DCAF8L2: variants seen among roughly 807,000 people sequenced by gnomAD.
DCAF8L2 encodes the protein DDB1 and CUL4 associated factor 8 like 2, also known as DDB1- and CUL4-associated factor 8-like protein 2.
For synonymous variants in DCAF8L2, 200 were observed against 190.9 expected, an observed-to-expected ratio of 1.05 and a Z score of -0.39; for missense variants, 430 against 490.7, an observed-to-expected ratio of 0.88 and a Z score of 1.17.
At chrX:27,564,471 T>G in the DCAF8L2 span, among the ~76,000 whole-genome samples, 5 of 110,732 alleles carry the variant, frequency 4.5e-5, no homozygotes, top group Non-Finnish European at 9.4e-5. Context: ...AAAGAATGAG[T>G]GCTTATGTAA....
chrX:27,512,438 CT>C, the DCAF8L2 span, among the ~76,000 whole-genome samples: 1 of 110,304 alleles, frequency 9.1e-6, no homozygotes, highest in Non-Finnish European at 1.9e-5. Context: ...AATCCCAGCA[CT>C]TTGGGGGGCC....
chrX:27,634,604 G>A (rs1365704828), intron 2 of DCAF8L2, among the ~76,000 whole-genome samples: 1 of 110,429 alleles, frequency 9.1e-6, no homozygotes, highest in Non-Finnish European at 1.9e-5. Context: ...GATAGACACT[G>A]AGCACCCTCA....
chrX:27,682,677 C>T (rs1930368645), intron 3 of DCAF8L2, among the ~76,000 whole-genome samples: 1 of 110,344 alleles, frequency 9.1e-6, no homozygotes, highest in Non-Finnish European at 1.9e-5. Flanking sequence ...CAAGTCAATG[C>T]AAGTTCACGA....
At chrX:27,536,588 C>T in the DCAF8L2 span, among the ~76,000 whole-genome samples, 3 of 110,964 alleles carry the variant, frequency 2.7e-5, no homozygotes, top group East Asian at 2.8e-4. Context: ...GAAGACCTGG[C>T]GTGTGGACAC....
intron 4 of DCAF8L2, among the ~76,000 whole-genome samples, chrX:27,743,775 C>G (rs891071646): frequency 9.6e-6 from 1 of 104,127 alleles, no homozygotes; most frequent in Non-Finnish European, 1.9e-5. Flanking sequence ...CTGTGTCGCC[C>G]AGGCTGGAGT....
chrX:27,539,596 C>T, the DCAF8L2 span, among the ~76,000 whole-genome samples: 1 of 111,463 alleles, frequency 9.0e-6, no homozygotes, highest in African/African-American at 3.3e-5. Flanking sequence ...GGCAATCTTT[C>T]CAATATTTAT....
chrX:27,519,579 A>G, the DCAF8L2 span: 1 of 679,460 alleles, frequency 1.5e-6, no homozygotes, highest in Non-Finnish European at 2.4e-6. Context: ...CTCCACCACC[A>G]GTCATTCCTC....
At chrX:27,514,683 A>C in the DCAF8L2 span, among the ~76,000 whole-genome samples, 56 of 30,188 alleles carry the variant, frequency 1.9e-3, no homozygotes, top group Non-Finnish European at 3.3e-3. Flanking sequence ...AAAAAAAAAA[A>C]AAAAAAAAAA....
In DCAF8L2 at chrX:27,749,064, C is replaced by T. The variant is rs766367872; in HGVS notation, c.*273C>T. On this transcript the variant is annotated 3_prime_UTR_variant, in exon 5 of 5. Transcript: ENST00000451261. ...TGAGTGCATACACAACTTATTTATG[C>T]CTCTTTTCCTTTGTTCCCTTATAGT... Among the ~76,000 whole-genome samples, 1 of 110,856 alleles carries T rather than the reference C, an allele frequency of 9.0e-6. No individual in the cohort carries two copies. Among genetic ancestry groups the T allele is most frequent in the Non-Finnish European group, 1.9e-5 (1 of 52,998 alleles).
chrX:27,651,579 G>A (rs1171576412), intron 2 of DCAF8L2, among the ~76,000 whole-genome samples: 1 of 97,756 alleles, frequency 1.0e-5, no homozygotes, highest in Non-Finnish European at 2.0e-5. Flanking sequence ...GCACGATCTC[G>A]GCTCACTGCA....
intron 4 of DCAF8L2, among the ~76,000 whole-genome samples, chrX:27,718,460 A>G (rs1179431087): frequency 8.9e-6 from 1 of 111,772 alleles, no homozygotes; most frequent in Non-Finnish European, 1.9e-5. Context: ...ATTATGGTTA[A>G]TTTTATGTGT....
At chrX:27,580,770 A>G in the DCAF8L2 span, among the ~76,000 whole-genome samples, 11 of 111,918 alleles carry the variant, frequency 9.8e-5, no homozygotes, top group Non-Finnish European at 1.9e-4. Flanking sequence ...AAGAAATGTT[A>G]GAGTTTTACT....
chrX:27,588,724 T>C (rs1480054238), upstream of DCAF8L2, among the ~76,000 whole-genome samples: 1 of 110,978 alleles, frequency 9.0e-6, no homozygotes. Context: ...AGTACTATTT[T>C]AAACTACCTG....
At chrX:27,483,376 GT>G in the DCAF8L2 span, among the ~76,000 whole-genome samples, 6 of 111,845 alleles carry the variant, frequency 5.4e-5, no homozygotes, top group African/African-American at 1.9e-4. Context: ...AATAAAAGTA[GT>G]TTACATTTTT....
intron 3 of DCAF8L2, among the ~76,000 whole-genome samples, chrX:27,701,805 A>G (rs924828332): frequency 1.8e-5 from 2 of 110,942 alleles, no homozygotes; most frequent in African/African-American, 6.5e-5. Flanking sequence ...AGAAACTAGA[A>G]AAATAAGAGC....
chrX:27,564,119 G>A, the DCAF8L2 span, among the ~76,000 whole-genome samples: 13 of 111,773 alleles, frequency 1.2e-4, no homozygotes, highest in South Asian at 3.8e-4. Flanking sequence ...GCATGGCTGC[G>A]GAGGCTTTGG....
At chrX:27,672,083 T>A (rs896109262) in intron 2 of DCAF8L2, among the ~76,000 whole-genome samples, 3 of 112,196 alleles carry the variant, frequency 2.7e-5, no homozygotes, top group African/African-American at 9.7e-5. Flanking sequence ...ACTGACAAAC[T>A]AGAGAGAAGC....
At chrX:27,675,315 G>T (rs1930102600) in intron 2 of DCAF8L2, among the ~76,000 whole-genome samples, 1 of 111,167 alleles carries the variant, frequency 9.0e-6, no homozygotes, top group African/African-American at 3.3e-5. Flanking sequence ...GACCTGGTGG[G>T]GAGAGATACT....
the DCAF8L2 span, among the ~76,000 whole-genome samples, chrX:27,532,152 A>G: frequency 1.8e-5 from 2 of 110,801 alleles, no homozygotes; most frequent in African/African-American, 6.6e-5. Context: ...CACTCAGGGT[A>G]GTAGCAATGA....
Sources: allele counts gnomAD v4.1 joint callset (sites outside exome capture counted in the v4.1 genomes callset), GRCh38; gene constraint gnomAD v4.1.1; transcripts MANE v1.5; gene names NCBI Gene and HGNC (gene_info 2026-07-23, HGNC 2026-07-21).